HSD11B1L: variants seen among roughly 807,000 people sequenced by gnomAD.
HSD11B1L encodes hydroxysteroid 11-beta dehydrogenase 1 like, also known as hydroxysteroid 11-beta-dehydrogenase 1-like protein.
Under a neutral mutation model 27.0 loss-of-function variants are expected in HSD11B1L, and 22 were observed. The observed-to-expected ratio is 0.81, with a 90% CI of 0.58 to 1.16. HSD11B1L has a LOEUF of 1.16. Ranked by LOEUF, HSD11B1L falls within the 50% of genes most tolerant of loss-of-function variation. HSD11B1L has a pLI of 0.00. For synonymous variants in HSD11B1L, 187 were observed against 189.2 expected, an observed-to-expected ratio of 0.99 and a Z score of 0.09; for missense variants, 372 against 401.8, an observed-to-expected ratio of 0.93 and a Z score of 0.63.
intron 1 of HSD11B1L, among the ~76,000 whole-genome samples, chr19:5,681,526 C>T (rs765565916): frequency 4.1e-4 from 62 of 151,846 alleles, no homozygotes; most frequent in Non-Finnish European, 1.8e-4. Context: ...TCCATCTGTC[C>T]GCCCATCCAT....
Position 5,687,093 on chromosome 19 carries a change from C to CA in HSD11B1L, c.408+103dup, listed in dbSNP as rs1162577484. The CA allele has an allele frequency of 3.3e-5, 40 of 1,194,634 alleles. No individual in the cohort carries two copies. In the East Asian group the frequency reaches 9.5e-4, roughly 28 times the overall value. 74.0% of individuals were successfully genotyped at this position (1,194,634 alleles called of 1,614,324 possible). A position where few individuals can be genotyped will look rare whatever the true frequency, so the allele number is the denominator to read the frequency against. On this transcript the variant is annotated intron_variant, in intron 5 of 7. Transcript: ENST00000339423. This position sits in a 1 kb window ranked among gnomAD's most constrained non-coding sequence, Gnocchi z 6.6. ...TCTGCCTTCTCCAGGGAGGGCTCTCCACCCGTCCCGCCCCAGCCACGCCCC... is the reference window on the plus strand; with the variant it reads ...TCTGCCTTCTCCAGGGAGGGCTCTCCAACCCGTCCCGCCCCAGCCACGCCCC...
rs763669331 is a variant in HSD11B1L at position 5,687,932 on chromosome 19, C to T, written c.848C>T (p.Ala283Val). 95 of 1,563,070 alleles carry T rather than the reference C, an allele frequency of 6.1e-5. No homozygotes were observed. In the Middle Eastern group the frequency reaches 8.3e-4, roughly 14 times the overall value. The change falls in exon 8 of 8, where the codon GCC becomes GTC. Residue 283 changes from alanine to valine, a missense_variant. Transcript: ENST00000339423. The surrounding 1 kb of genome is among the most constrained non-coding windows in gnomAD (Gnocchi z 6.6). ...WFIRQELNVT[A>V]AAA ...ATCCGCCAGGAGCTCAACGTCACGG[C>T]CGCGGCAGCCTGAGCACCGGGGGGT...
chr19:5,684,743 C>T (rs750180339), intron 1 of HSD11B1L, 76 bp from the exon 2 acceptor site: 29 of 1,601,840 alleles, frequency 1.8e-5, no homozygotes, highest in Admixed American at 1.0e-4. Flanking sequence ...GCGGTGGCAT[C>T]ACCAAACACC....
chr19:5,683,775 T>A (rs921059755), intron 1 of HSD11B1L, among the ~76,000 whole-genome samples: 1 of 151,944 alleles, frequency 6.6e-6, no homozygotes, highest in African/African-American at 2.4e-5. Flanking sequence ...CCACCTGTAG[T>A]CCCAGCTGCT....
chr19:5,684,827 A>G lies in HSD11B1L; in HGVS notation c.-6A>G. ...CCCCTGTCCCTCTGCAGGCCCACAC[A>G]GGACCATGAAGGTGCTTCTCCTCAC... On this transcript the variant is annotated 5_prime_UTR_variant, in exon 2 of 8. Coordinates refer to ENST00000339423, the MANE Select transcript of HSD11B1L (RefSeq NM_198706.3). 6.2e-7 allele frequency: 1 copy of G among 1,613,766 alleles called. No homozygotes were observed. The highest frequency in any genetic ancestry group is 8.5e-7 in the Non-Finnish European group (1 of 1,179,992).
chr19:5,684,955 C>G (rs368640117), intron 2 of HSD11B1L, 34 bp from the exon 3 acceptor site: 16 of 1,612,676 alleles, frequency 9.9e-6, no homozygotes, highest in African/African-American at 1.3e-5. Flanking sequence ...CTGTCCTGTC[C>G]TCCGCCCAGA....
In HSD11B1L at chr19:5,687,399, T is replaced by G; in HGVS notation, c.502+24T>G. The G allele has an allele frequency of 6.2e-7, 1 of 1,607,826 alleles. No individual in the cohort carries two copies. Among genetic ancestry groups the G allele is most frequent in the African/African-American group, 1.3e-5 (1 of 74,964 alleles). ...CGGTGCGTGCACCCGGCCCCGGCTC[T>G]GCGGGACGGGGAGTGGGGAGCTCGA... On this transcript the variant is annotated intron_variant, in intron 6 of 7. Transcript: ENST00000339423. This position sits in a 1 kb window ranked among gnomAD's most constrained non-coding sequence, Gnocchi z 6.6.
Position 5,687,448 on chromosome 19 carries a change from G to C in HSD11B1L, c.503-55G>C, listed in dbSNP as rs925980214. The C allele has an allele frequency of 6.3e-7, 1 of 1,592,746 alleles. No homozygotes were observed. Among genetic ancestry groups the C allele is most frequent in the African/African-American group, 1.3e-5 (1 of 74,610 alleles). On this transcript the variant is annotated intron_variant, in intron 6 of 7. Coordinates refer to ENST00000339423, the MANE Select transcript of HSD11B1L (RefSeq NM_198706.3). This position sits in a 1 kb window ranked among gnomAD's most constrained non-coding sequence, Gnocchi z 6.6. ...GATGCGGGTGAGCCTGGAGGGTCTGGGCAGGCTTCCCGGACGAGGGGGAGC... is the reference window on the plus strand; with the variant it reads ...GATGCGGGTGAGCCTGGAGGGTCTGCGCAGGCTTCCCGGACGAGGGGGAGC...
At position 5,688,456 on chromosome 19, in the gene HSD11B1L, G is replaced by C; in HGVS notation, c.*511G>C. On this transcript the variant is annotated 3_prime_UTR_variant, in exon 8 of 8. Coordinates refer to ENST00000339423, the MANE Select transcript of HSD11B1L (RefSeq NM_198706.3). ...TGGCAGGGTCTGAGCGGGAGGAGGAGGGAAAGAGTGTGTTCTGAGCTGGAC... is the reference window on the plus strand; with the variant it reads ...TGGCAGGGTCTGAGCGGGAGGAGGACGGAAAGAGTGTGTTCTGAGCTGGAC... The C allele has an allele frequency of 3.9e-6, 2 of 516,746 alleles. No individual in the cohort carries two copies. The highest frequency in any genetic ancestry group is 6.9e-6 in the Non-Finnish European group (2 of 291,216). 32.0% of individuals were successfully genotyped at this position (516,746 alleles called of 1,614,324 possible). A position where few individuals can be genotyped will look rare whatever the true frequency, so the allele number is the denominator to read the frequency against.
At chr19:5,684,658 GGTGGTTCATGGAGCCACC>G (rs1444976744) in intron 1 of HSD11B1L, 143 bp from the exon 2 acceptor site, 3 of 1,100,484 alleles carry the variant, frequency 2.7e-6, no homozygotes, top group Non-Finnish European at 3.8e-6. Context: ...ATGGAGCCGC[GGTGGTTCATGGAGCCACC>G]GTGGTGGCCT....
rs1431549573 is a variant in HSD11B1L at position 5,688,140 on chromosome 19, G to A, written c.*195G>A. The A allele has an allele frequency of 4.5e-6, 7 of 1,551,040 alleles. No homozygotes were observed. The Admixed American group carries it at 5.9e-5, about 13-fold the overall frequency. ...ACGGCTTGGGAGGTGCAGGTGCCCC[G>A]TGTTAGGCGCCTTTGTCGGGGACTT... On this transcript the variant is annotated 3_prime_UTR_variant, in exon 8 of 8. Coordinates refer to ENST00000339423, the MANE Select transcript of HSD11B1L (RefSeq NM_198706.3).
chr19:5,681,107 G>A lies in HSD11B1L; in HGVS notation c.-179G>A, dbSNP rs1297854283. ...TCCCCGAGGCCCGGCCCCTCCCCGG[G>A]AGGAGGTGGGCTTCGAGTCACGTGA... is the stretch of plus-strand genomic sequence containing the variant. On this transcript the variant is annotated 5_prime_UTR_variant, in exon 1 of 8. Transcript: ENST00000339423. 1 of 152,548 alleles carries A rather than the reference G, an allele frequency of 6.6e-6. No homozygotes were observed. The highest frequency in any genetic ancestry group is 6.5e-5 in the Admixed American group (1 of 15,290). The allele number at this position is 152,548 out of a possible 1,614,324, so 9.4% of individuals were successfully genotyped here. A position where few individuals can be genotyped will look rare whatever the true frequency, so the allele number is the denominator to read the frequency against.
At chr19:5,683,208 C>CAAAAAAAA (rs1168433209) in intron 1 of HSD11B1L, among the ~76,000 whole-genome samples, 2 of 51,098 alleles carry the variant, frequency 3.9e-5, no homozygotes, top group African/African-American at 6.4e-5. Flanking sequence ...AACTCAGTCT[C>CAAAAAAAA]AAAAAAAAAA....
intron 1 of HSD11B1L, among the ~76,000 whole-genome samples, chr19:5,682,379 CG>C (rs2054578467): frequency 6.6e-6 from 1 of 151,882 alleles, no homozygotes. Context: ...TGGTCAGGCC[CG>C]GGGTAGGGTC....
At chr19:5,686,299 G>C in intron 3 of HSD11B1L, 117 bp from the exon 4 acceptor site, 1 of 697,666 alleles carries the variant, frequency 1.4e-6, no homozygotes. Flanking sequence ...AATGGGTCCC[G>C]AGGCTCAGAG....
intron 1 of HSD11B1L, among the ~76,000 whole-genome samples, chr19:5,681,664 GTCCATCCATCCA>G (rs749666565): frequency 2.7e-5 from 4 of 147,740 alleles, no homozygotes; most frequent in Admixed American, 6.8e-5. Context: ...GCATCCGTCC[GTCCATCCATCCA>G]TCCATCCATC....
Position 5,688,256 on chromosome 19 carries a change from C to T in HSD11B1L, c.*311C>T. The T allele has an allele frequency of 7.2e-7, 1 of 1,388,650 alleles. No homozygotes were observed. Among genetic ancestry groups the T allele is most frequent in the Non-Finnish European group, 9.7e-7 (1 of 1,025,734 alleles). The allele number at this position is 1,388,650 out of a possible 1,614,324, so 86.0% of individuals were successfully genotyped here. A position where few individuals can be genotyped will look rare whatever the true frequency, so the allele number is the denominator to read the frequency against. ...TAAGGCTCAGAGAGGCCACGCCACCCTTGAGCCACCCATGGACCCCTCTCC... is the reference window on the plus strand; with the variant it reads ...TAAGGCTCAGAGAGGCCACGCCACCTTTGAGCCACCCATGGACCCCTCTCC... On this transcript the variant is annotated 3_prime_UTR_variant, in exon 8 of 8. Transcript: ENST00000339423.
At chr19:5,686,611 C>A in intron 4 of HSD11B1L, 84 bp downstream of exon 4, 2 of 1,083,758 alleles carry the variant, frequency 1.8e-6, no homozygotes, top group Non-Finnish European at 2.6e-6. Context: ...GTGGGTGTGG[C>A]CACAGTAACA....
intron 4 of HSD11B1L, 93 bp from the exon 5 acceptor site, chr19:5,686,807 G>T (rs536367552): frequency 4.5e-6 from 5 of 1,101,932 alleles, no homozygotes; most frequent in South Asian, 1.6e-5. Context: ...GAGCTCGCTG[G>T]ACCAGCGCTC....
Sources: allele counts gnomAD v4.1 joint callset (sites outside exome capture counted in the v4.1 genomes callset), GRCh38; gene constraint gnomAD v4.1.1; non-coding constraint Gnocchi (gnomAD v3.1); transcripts MANE v1.5; gene names NCBI Gene and HGNC (gene_info 2026-07-23, HGNC 2026-07-21).